FSD1L: variants seen among roughly 807,000 people sequenced by gnomAD.
The protein encoded by FSD1L is FSD1-like protein.
FSD1L carries 45 observed loss-of-function variants against 71.6 expected under a neutral mutation model. The observed-to-expected ratio is 0.63, with a 90% CI of 0.49 to 0.81. FSD1L has a LOEUF of 0.81. Ranked by LOEUF, FSD1L falls within the 30% of genes least tolerant of loss-of-function variation. The pLI is 0.00. For missense variants in FSD1L, 561 were observed against 618.1 expected (o/e 0.91, Z 0.98); for synonymous variants, 197 against 207.2 (o/e 0.95, Z 0.42).
chr9:105,481,172 T>TGTGTGTGG (rs1832157559), intron 6 of FSD1L, among the ~76,000 whole-genome samples: 1 of 142,042 alleles, frequency 7.0e-6, no homozygotes, highest in Admixed American at 7.1e-5. Flanking sequence ...TGTGTGTGTG[T>TGTGTGTGG]GTGTGTGGTT....
At chr9:105,538,856 A>G (rs1253682912) in intron 12 of FSD1L, among the ~76,000 whole-genome samples, 1 of 152,172 alleles carries the variant, frequency 6.6e-6, no homozygotes, top group Non-Finnish European at 1.5e-5. Flanking sequence ...AGGTAGATAG[A>G]AGACAAGGTT....
At chr9:105,469,766 T>C (rs552081679) in intron 4 of FSD1L, among the ~76,000 whole-genome samples, 19 of 152,048 alleles carry the variant, frequency 1.2e-4, no homozygotes, top group African/African-American at 4.1e-4. Context: ...CTATTTGATA[T>C]AGAGAAGTTT....
intron 1 of FSD1L, among the ~76,000 whole-genome samples, chr9:105,450,534 C>CTTTTTTTTTTTTTTTTTTT (rs35115121): frequency 2.8e-4 from 38 of 137,926 alleles, no homozygotes; most frequent in African/African-American, 9.6e-4. Context: ...GGATTGTGTT[C>CTTTTTTTTTTTTTTTTTTT]TTTTTTTTTT....
intron 9 of FSD1L, among the ~76,000 whole-genome samples, chr9:105,509,488 G>T (rs1834273733): frequency 6.6e-6 from 1 of 152,134 alleles, no homozygotes; most frequent in African/African-American, 2.4e-5. Flanking sequence ...TTGTGAGATG[G>T]TTATTGACTG....
intron 13 of FSD1L, among the ~76,000 whole-genome samples, chr9:105,543,534 T>C (rs200733701): frequency 6.6e-6 from 1 of 152,180 alleles, no homozygotes; most frequent in Non-Finnish European, 1.5e-5. Context: ...GCTGCACCCA[T>C]TAACTCGTCA....
At chr9:105,447,681 T>C (rs60126815), upstream of FSD1L, 46,438 of 168,576 alleles carry the variant, frequency 0.28, 6,740 homozygotes, top group Non-Finnish European at 0.31. Context: ...TTTTCCTCCC[T>C]TTGGACCGCT....
At chr9:105,492,317 T>C (rs1033819976) in intron 7 of FSD1L, among the ~76,000 whole-genome samples, 1 of 152,196 alleles carries the variant, frequency 6.6e-6, no homozygotes, top group African/African-American at 2.4e-5. Context: ...TGATGGTAGT[T>C]TGTATTTCTG....
At chr9:105,485,532 T>TG (rs71364101) in intron 7 of FSD1L, among the ~76,000 whole-genome samples, 11,003 of 101,494 alleles carry the variant, frequency 0.11, 594 homozygotes, top group Admixed American at 0.2. Context: ...TTTGGTTAGG[T>TG]GTTTTTTTTT....
Position 105,457,660 on chromosome 9 carries a change from C to T in FSD1L, c.16-3860C>T, listed in dbSNP as rs78810061. Among the ~76,000 whole-genome samples the T allele has an allele frequency of 8.4e-3, 1,283 of 152,350 alleles. 20 individuals are homozygous for T. Among genetic ancestry groups the T allele is most frequent in the African/African-American group, 0.029 (1,216 of 41,582 alleles). On this transcript the variant is annotated intron_variant, in intron 1 of 13. Transcript: ENST00000481272. ...GTCTCTCCTTGAGTTTCACTCATGC[C>T]GGCTGGGCTTGTTCTGCCCACTTGG...
rs1837243966 is a variant in FSD1L, at chr9:105,551,089, T to C, written c.*4606T>C. Reference sequence around the variant, plus strand: ...GGAACTTTCTGGAGAACATAAGGGCTATGAGAATGCATATATATATTTTTT... The same window carrying C: ...GGAACTTTCTGGAGAACATAAGGGCCATGAGAATGCATATATATATTTTTT... On this transcript the variant is annotated 3_prime_UTR_variant, in exon 14 of 14. Transcript: ENST00000481272. The C allele has an allele frequency of 6.6e-6, 1 of 152,140 alleles. No individual in the cohort carries two copies. The highest frequency in any genetic ancestry group is 2.1e-4 in the South Asian group (1 of 4,828). The allele number at this position is 152,140 out of a possible 1,614,324, so 9.4% of individuals were successfully genotyped here.
At chr9:105,470,659 C>T (rs1225618424) in intron 4 of FSD1L, among the ~76,000 whole-genome samples, 2 of 152,028 alleles carry the variant, frequency 1.3e-5, no homozygotes, top group East Asian at 1.9e-4. Flanking sequence ...TTCTATCTTA[C>T]ATACACACCA....
intron 10 of FSD1L, chr9:105,520,814 A>G (rs1240583900): frequency 6.2e-7 from 1 of 1,612,222 alleles, no homozygotes; most frequent in African/African-American, 1.3e-5. Flanking sequence ...AAGTCACTAT[A>G]GAAGAAATCA....
At chr9:105,488,024 T>C (rs550337977) in intron 7 of FSD1L, among the ~76,000 whole-genome samples, 1 of 152,300 alleles carries the variant, frequency 6.6e-6, no homozygotes, top group Non-Finnish European at 1.5e-5. Flanking sequence ...CACTGACACA[T>C]CATTATCACT....
intron 7 of FSD1L, among the ~76,000 whole-genome samples, chr9:105,492,210 T>G (rs1485144857): frequency 6.6e-6 from 1 of 152,192 alleles, no homozygotes; most frequent in Non-Finnish European, 1.5e-5. Flanking sequence ...ATCAACTTCT[T>G]CCTGGTTTAG....
At position 105,551,826 on chromosome 9, in the gene FSD1L, A is replaced by G. The variant is rs1382529897; in HGVS notation, c.*5343A>G. ...TTTCCATGCAGGCATTTGCACTTTGAAGTTAGGGCTGCCCAGTGCCACATG... is the reference window on the plus strand; with the variant it reads ...TTTCCATGCAGGCATTTGCACTTTGGAGTTAGGGCTGCCCAGTGCCACATG... On this transcript the variant is annotated 3_prime_UTR_variant, in exon 14 of 14. Coordinates refer to ENST00000481272, the MANE Select transcript of FSD1L (RefSeq NM_001145313.3). The G allele has an allele frequency of 5.9e-5, 9 of 152,274 alleles. 1 individual carries two copies. The Middle Eastern group carries it at 0.02, about 345-fold the overall frequency. The allele number at this position is 152,274 out of a possible 1,614,324, so 9.4% of individuals were successfully genotyped here. A position where few individuals can be genotyped will look rare whatever the true frequency, so the allele number is the denominator to read the frequency against.
rs141762789 is a variant in FSD1L, at chr9:105,515,442, C to G, written c.1025+2506C>G. On this transcript the variant is annotated intron_variant, in intron 10 of 13. Transcript: ENST00000481272. Reference sequence around the variant, plus strand: ...AGTCTGCAGCTCCCAGCAAGATAGACGCAGAAGGCAGGTGATTTCTGCATT... The same window carrying G: ...AGTCTGCAGCTCCCAGCAAGATAGAGGCAGAAGGCAGGTGATTTCTGCATT... Among the ~76,000 whole-genome samples the G allele has an allele frequency of 4.4e-3, 670 of 152,294 alleles. 5 individuals are homozygous for G. The highest frequency in any genetic ancestry group is 7.4e-3 in the Non-Finnish European group (505 of 68,036).
At chr9:105,540,162 A>G (rs1242264078) in intron 13 of FSD1L, among the ~76,000 whole-genome samples, 1 of 152,076 alleles carries the variant, frequency 6.6e-6, no homozygotes, top group South Asian at 2.1e-4. Context: ...TCTTTTAAAA[A>G]ATTTTTTGTC....
chr9:105,520,081 G>C (rs574100420), intron 10 of FSD1L: 10 of 1,570,960 alleles, frequency 6.4e-6, no homozygotes, highest in Non-Finnish European at 8.6e-6. Context: ...CTGCCGCTGG[G>C]AGCCGGCTGT....
chr9:105,539,374 A>T, intron 13 of FSD1L, 23 bp downstream of exon 13: 2 of 1,054,494 alleles, frequency 1.9e-6, no homozygotes, highest in Non-Finnish European at 2.7e-6. Context: ...TATATCTTAT[A>T]TATACCTAAC....
Sources: gnomAD v4.1 joint callset for allele counts (sites outside exome capture counted in the v4.1 genomes callset) on GRCh38, gnomAD v4.1.1 for gene constraint, MANE v1.5 for transcripts, NCBI Gene and HGNC (gene_info 2026-07-23, HGNC 2026-07-21) for gene names.